LRRC7: variants seen among roughly 807,000 people sequenced by gnomAD.
The protein encoded by LRRC7 is leucine rich repeat containing 7.
A neutral mutation model predicts 175.7 loss-of-function variants in LRRC7; 23 were observed. That is an observed-to-expected ratio of 0.13 (90% CI 0.09 to 0.19). LRRC7 has a LOEUF of 0.19. Among genes scored for constraint, LRRC7 ranks in the 10% least tolerant of loss-of-function variants. The probability of loss-of-function intolerance (pLI) is 1.00; values close to 1 mark genes in which losing one functional copy is unlikely to be tolerated. For missense variants in LRRC7, 1,354 were observed against 1,904.7 expected, an observed-to-expected ratio of 0.71 and a Z score of 5.38; for synonymous variants, 685 against 680.9, an observed-to-expected ratio of 1.01 and a Z score of -0.09.
intron 2 of LRRC7, among the ~76,000 whole-genome samples, chr1:69,734,702 C>G (rs1247811004): frequency 6.6e-6 from 1 of 151,754 alleles, no homozygotes; most frequent in South Asian, 2.1e-4. Context: ...AGTAAAATTT[C>G]TGAGTAAGAG....
intron 3 of LRRC7, among the ~76,000 whole-genome samples, chr1:69,781,663 C>G (rs144682866): frequency 0.022 from 2,916 of 130,260 alleles, 185 homozygotes; most frequent in African/African-American, 0.087. Flanking sequence ...GCCTGGGAGA[C>G]AGAGCAAGAC....
At chr1:69,677,415 C>T (rs1659928655) in intron 1 of LRRC7, among the ~76,000 whole-genome samples, 1 of 151,572 alleles carries the variant, frequency 6.6e-6, no homozygotes, top group Non-Finnish European at 1.5e-5. Context: ...ATAGTGTCTT[C>T]TTTTCCTTTG....
intron 2 of LRRC7, among the ~76,000 whole-genome samples, chr1:69,730,917 C>A (rs112027533): frequency 2.6e-5 from 4 of 152,076 alleles, no homozygotes; most frequent in Non-Finnish European, 5.9e-5. Context: ...AGAAAACTTA[C>A]AATCATAACA....
At chr1:69,987,025 C>T (rs1653994707) in intron 10 of LRRC7, among the ~76,000 whole-genome samples, 2 of 152,074 alleles carry the variant, frequency 1.3e-5, no homozygotes, top group South Asian at 4.2e-4. Flanking sequence ...GGGTGGGTCA[C>T]GAGGTCAGGA....
intron 23 of LRRC7, among the ~76,000 whole-genome samples, chr1:70,067,493 C>G (rs536757312): frequency 6.6e-6 from 1 of 152,038 alleles, no homozygotes; most frequent in Non-Finnish European, 1.5e-5. Context: ...ATGTGTCTAT[C>G]CCTCTGCAAA....
chr1:70,080,886 C>G (rs1002319655), intron 24 of LRRC7, among the ~76,000 whole-genome samples: 2 of 152,162 alleles, frequency 1.3e-5, no homozygotes, highest in African/African-American at 2.4e-5. Context: ...CATGGAAAAC[C>G]CTTCATCAGA....
At chr1:69,936,967 C>G (rs1648103088) in intron 8 of LRRC7, among the ~76,000 whole-genome samples, 1 of 152,032 alleles carries the variant, frequency 6.6e-6, no homozygotes, top group Admixed American at 6.6e-5. Context: ...ATCCAGTCCA[C>G]CATTGATAGG....
chr1:69,717,757 T>G (rs1261608888), intron 2 of LRRC7, among the ~76,000 whole-genome samples: 1 of 63,516 alleles, frequency 1.6e-5, no homozygotes, highest in African/African-American at 8.6e-5. Flanking sequence ...TATTGGAACA[T>G]GAAAAAAAGA....
At chr1:69,640,528 A>C (rs1393889920) in intron 1 of LRRC7, among the ~76,000 whole-genome samples, 1 of 151,374 alleles carries the variant, frequency 6.6e-6, no homozygotes, top group Non-Finnish European at 1.5e-5. Flanking sequence ...GGTGTTTCTG[A>C]GAAATACACA....
At chr1:69,781,850 A>AAGGAAGG (rs1557720655) in intron 3 of LRRC7, among the ~76,000 whole-genome samples, 14 of 104,332 alleles carry the variant, frequency 1.3e-4, no homozygotes, top group African/African-American at 4.0e-4. Context: ...AGGAAGGGAG[A>AAGGAAGG]GAAAGAAAGA....
chr1:69,650,595 C>T (rs966700977), intron 1 of LRRC7, among the ~76,000 whole-genome samples: 5 of 146,690 alleles, frequency 3.4e-5, no homozygotes, highest in Non-Finnish European at 4.5e-5. Context: ...GAATACATTG[C>T]TTCATACATG....
chr1:69,792,382 C>T (rs1012654710), intron 4 of LRRC7, among the ~76,000 whole-genome samples: 4 of 152,008 alleles, frequency 2.6e-5, no homozygotes, highest in Non-Finnish European at 5.9e-5. Context: ...TCTTGTTTCC[C>T]TCTGCATTCA....
chr1:70,097,191 A>C (rs1474638598), intron 25 of LRRC7, among the ~76,000 whole-genome samples: 1 of 152,184 alleles, frequency 6.6e-6, no homozygotes, highest in Non-Finnish European at 1.5e-5. Context: ...CCTTGGCCTA[A>C]GAGCCACTTT....
At chr1:69,891,914 C>A (rs1645846328) in intron 7 of LRRC7, among the ~76,000 whole-genome samples, 2 of 151,934 alleles carry the variant, frequency 1.3e-5, no homozygotes, top group Non-Finnish European at 2.9e-5. Context: ...AAATGAAATA[C>A]CTGTGAAGCA....
intron 7 of LRRC7, among the ~76,000 whole-genome samples, chr1:69,897,055 A>C (rs1415387539): frequency 6.6e-6 from 1 of 152,164 alleles, no homozygotes; most frequent in Non-Finnish European, 1.5e-5. Flanking sequence ...TGTGTTATTG[A>C]GTACTTACCA....
At chr1:69,952,780 T>C (rs1650071250) in intron 8 of LRRC7, among the ~76,000 whole-genome samples, 1 of 151,954 alleles carries the variant, frequency 6.6e-6, no homozygotes, top group Admixed American at 6.6e-5. Context: ...TTCTAGTTAG[T>C]GCCAACAAAA....
chr1:69,758,290 A>G (rs1670656378), intron 2 of LRRC7, among the ~76,000 whole-genome samples: 1 of 152,046 alleles, frequency 6.6e-6, no homozygotes, highest in Non-Finnish European at 1.5e-5. Context: ...ACAGAAAGTA[A>G]TGGAGAAGAA....
chr1:69,781,401 G>T (rs1276189838), intron 3 of LRRC7, among the ~76,000 whole-genome samples: 2 of 151,990 alleles, frequency 1.3e-5, no homozygotes, highest in African/African-American at 2.4e-5. Context: ...TGGCTTTGTG[G>T]CTGGGCATGG....
At chr1:69,766,708 C>A in intron 3 of LRRC7, among the ~76,000 whole-genome samples, 1 of 152,228 alleles carries the variant, frequency 6.6e-6, no homozygotes, top group Middle Eastern at 3.4e-3. Flanking sequence ...ACTGTGTGAA[C>A]TAACATTCTC....
Sources: gnomAD v4.1 joint callset for allele counts (sites outside exome capture counted in the v4.1 genomes callset) on GRCh38, gnomAD v4.1.1 for gene constraint, MANE v1.5 for transcripts, NCBI Gene and HGNC (gene_info 2026-07-23, HGNC 2026-07-21) for gene names.